SNTG1: variants seen among roughly 807,000 people sequenced by gnomAD.
The protein encoded by SNTG1 is gamma-1-syntrophin.
In SNTG1, 39 loss-of-function variants were observed where a neutral mutation model predicts 74.7. That is an observed-to-expected ratio of 0.52 (90% CI 0.40 to 0.68). SNTG1 has a LOEUF of 0.68. SNTG1 is among the 30% of genes least tolerant of loss of function. The pLI is 0.00. For synonymous variants in SNTG1, 254 were observed against 217.1 expected (o/e 1.17, Z -1.49); for missense variants, 685 against 609.5 (o/e 1.12, Z -1.30).
Position 50,449,655 on chromosome 8 carries a change from T to C in SNTG1, c.220-13T>C. On this transcript the variant is annotated splice_polypyrimidine_tract_variant and intron_variant, in intron 5 of 18. Coordinates refer to ENST00000642720, the MANE Select transcript of SNTG1 (RefSeq NM_018967.5). Reference sequence around the variant, plus strand: ...TAGATTAAAAAGTACAATATATGATTTTCTCTTTTCAGGGAGGAGCAGAAC... The same window carrying C: ...TAGATTAAAAAGTACAATATATGATCTTCTCTTTTCAGGGAGGAGCAGAAC... 1 of 1,579,696 alleles carries C rather than the reference T, an allele frequency of 6.3e-7. No homozygotes were observed. Among genetic ancestry groups the C allele is most frequent in the Non-Finnish European group, 8.6e-7 (1 of 1,162,270 alleles).
At chr8:50,173,252 G>A (rs2082874576) in intron 2 of SNTG1, among the ~76,000 whole-genome samples, 1 of 152,204 alleles carries the variant, frequency 6.6e-6, no homozygotes, top group African/African-American at 2.4e-5. Context: ...AGTAGAATAA[G>A]TGTTACTTTA....
At chr8:50,685,480 T>C (rs2095348583) in intron 15 of SNTG1, among the ~76,000 whole-genome samples, 1 of 152,224 alleles carries the variant, frequency 6.6e-6, no homozygotes, top group South Asian at 2.1e-4. Flanking sequence ...GTTATATTTT[T>C]TAAAAAACAT....
At chr8:50,235,372 C>T (rs1488186937) in intron 2 of SNTG1, among the ~76,000 whole-genome samples, 3 of 152,162 alleles carry the variant, frequency 2.0e-5, no homozygotes, top group Non-Finnish European at 4.4e-5. Context: ...AGATTTCACT[C>T]TTGTGGGACC....
intron 2 of SNTG1, among the ~76,000 whole-genome samples, chr8:50,250,196 C>T (rs2086585728): frequency 6.6e-6 from 1 of 150,592 alleles, no homozygotes; most frequent in Non-Finnish European, 1.5e-5. Context: ...AGAGTTTTGA[C>T]AACACTAGAT....
At chr8:50,420,104 A>G (rs2131449280) in intron 4 of SNTG1, among the ~76,000 whole-genome samples, 1 of 152,296 alleles carries the variant, frequency 6.6e-6, no homozygotes, top group East Asian at 1.9e-4. Context: ...GTTCAGACTC[A>G]GAGTATTTAA....
intron 18 of SNTG1, among the ~76,000 whole-genome samples, chr8:50,755,386 C>G (rs2095577851): frequency 6.6e-6 from 1 of 151,398 alleles, no homozygotes; most frequent in South Asian, 2.1e-4. Flanking sequence ...GCTTATTTTA[C>G]TTAGTGGTAT....
intron 1 of SNTG1, among the ~76,000 whole-genome samples, chr8:50,171,109 C>T (rs921217265): frequency 6.6e-6 from 1 of 152,162 alleles, no homozygotes; most frequent in African/African-American, 2.4e-5. Flanking sequence ...AAATCCACAA[C>T]TGCCACAAGT....
At chr8:50,710,125 G>A (rs2095457502) in intron 17 of SNTG1, among the ~76,000 whole-genome samples, 1 of 152,040 alleles carries the variant, frequency 6.6e-6, no homozygotes, top group South Asian at 2.1e-4. Flanking sequence ...GCATTGTCCT[G>A]CAAAATCTCA....
At chr8:50,479,847 C>T (rs182434334) in intron 8 of SNTG1, among the ~76,000 whole-genome samples, 50 of 152,258 alleles carry the variant, frequency 3.3e-4, no homozygotes, top group African/African-American at 1.1e-3. Context: ...TTTCTATTGA[C>T]TAGATCCTGA....
At chr8:50,081,246 A>C (rs1373635222) in intron 1 of SNTG1, among the ~76,000 whole-genome samples, 1 of 147,790 alleles carries the variant, frequency 6.8e-6, no homozygotes, top group East Asian at 2.1e-4. Flanking sequence ...TTGTTGACAA[A>C]TATTTTCTGC....
intron 2 of SNTG1, among the ~76,000 whole-genome samples, chr8:50,310,030 T>C (rs568227153): frequency 6.6e-6 from 1 of 152,326 alleles, no homozygotes; most frequent in East Asian, 1.9e-4. Flanking sequence ...TCAATATTAA[T>C]TGAAACTCAA....
intron 2 of SNTG1, among the ~76,000 whole-genome samples, chr8:50,221,179 G>A (rs556391825): frequency 5.3e-5 from 8 of 152,168 alleles, no homozygotes; most frequent in African/African-American, 1.9e-4. Context: ...ATCATAATGG[G>A]AAGACATATA....
intron 2 of SNTG1, among the ~76,000 whole-genome samples, chr8:50,364,551 T>C (rs1587327212): frequency 6.6e-6 from 1 of 152,266 alleles, no homozygotes. Flanking sequence ...GGATTCTATA[T>C]CGTATATCTT....
chr8:50,364,040 C>T (rs766995009), intron 2 of SNTG1, among the ~76,000 whole-genome samples: 4 of 152,158 alleles, frequency 2.6e-5, no homozygotes, highest in Non-Finnish European at 5.9e-5. Context: ...TGACACCAAC[C>T]TGGAAGCTCT....
intron 1 of SNTG1, among the ~76,000 whole-genome samples, chr8:50,154,259 G>A (rs185337135): frequency 1.8e-4 from 27 of 152,284 alleles, no homozygotes; most frequent in Admixed American, 8.5e-4. Context: ...CTGGTGTGCC[G>A]TTTGCTAAGA....
chr8:49,946,465 T>G (rs1809199575), intron 1 of SNTG1, among the ~76,000 whole-genome samples: 1 of 152,160 alleles, frequency 6.6e-6, no homozygotes, highest in African/African-American at 2.4e-5. Context: ...CTCCCTAAAT[T>G]TTACCTGGGC....
Position 50,656,690 on chromosome 8 carries a change from G to T in SNTG1, c.850-219G>T, listed in dbSNP as rs371457513. On this transcript the variant is annotated intron_variant, in intron 13 of 18. Coordinates refer to ENST00000642720, the MANE Select transcript of SNTG1 (RefSeq NM_018967.5). ...ACACTTGATAAATGCTGGTAGAAAC[G>T]TATAAGAAATTCTTATGAGAGGTTT... 6.2e-4 allele frequency among the ~76,000 whole-genome samples: 94 copies of T among 152,228 alleles called. No individual in the cohort carries two copies. In the Middle Eastern group the frequency reaches 0.027, roughly 44 times the overall value.
chr8:50,170,727 C>A (rs760539241), intron 1 of SNTG1, among the ~76,000 whole-genome samples: 4 of 152,206 alleles, frequency 2.6e-5, no homozygotes, highest in Non-Finnish European at 5.9e-5. Context: ...GTGTTTGCAT[C>A]TGGAACTTGG....
intron 13 of SNTG1, among the ~76,000 whole-genome samples, chr8:50,636,168 C>T (rs2095038023): frequency 6.6e-6 from 1 of 150,760 alleles, no homozygotes; most frequent in Admixed American, 6.6e-5. Context: ...AAGACAAAGT[C>T]CTCTTTACTC....
Sources: gnomAD v4.1 joint callset for allele counts (sites outside exome capture counted in the v4.1 genomes callset) on GRCh38, gnomAD v4.1.1 for gene constraint, MANE v1.5 for transcripts, NCBI Gene and HGNC (gene_info 2026-07-23, HGNC 2026-07-21) for gene names.